The following LAMA3 variants were observed in gnomAD, a reference collection of about 807,000 sequenced individuals.
LAMA3 encodes the protein laminin subunit alpha-3.
Under a neutral mutation model 402.0 loss-of-function variants are expected in LAMA3, and 281 were observed. The observed-to-expected ratio is 0.70, with a 90% CI of 0.63 to 0.77. The LOEUF (loss-of-function observed/expected upper bound fraction) is 0.77. Among genes scored for constraint, LAMA3 ranks in the 30% least tolerant of loss-of-function variants. The probability of loss-of-function intolerance (pLI) is 0.00; values close to 1 mark genes in which losing one functional copy is unlikely to be tolerated. For synonymous variants in LAMA3, 1,431 were observed against 1,558.4 expected (o/e 0.92, Z 1.93); for missense variants, 3,840 against 4,215.5 (o/e 0.91, Z 2.47).
chr18:23,951,263 A>G (rs1263929175), intron 72 of LAMA3, among the ~76,000 whole-genome samples: 1 of 152,220 alleles, frequency 6.6e-6, no homozygotes, highest in African/African-American at 2.4e-5. Context: ...GAACTATTAC[A>G]GTTGGCTGGC....
At chr18:23,869,948 G>A (rs989988336) in intron 37 of LAMA3, among the ~76,000 whole-genome samples, 2 of 151,706 alleles carry the variant, frequency 1.3e-5, no homozygotes, top group Non-Finnish European at 2.9e-5. Flanking sequence ...CACACCTGCA[G>A]TCAGGAGTTT....
intron 1 of LAMA3, among the ~76,000 whole-genome samples, chr18:23,706,570 T>C (rs2060893580): frequency 6.6e-6 from 1 of 152,194 alleles, no homozygotes; most frequent in African/African-American, 2.4e-5. Flanking sequence ...GAAATGCTTA[T>C]TATGTTTATT....
chr18:23,932,410 CCA>C (rs2082189432), intron 66 of LAMA3, 119 bp downstream of exon 66: 2 of 1,096,316 alleles, frequency 1.8e-6, no homozygotes, highest in East Asian at 5.0e-5. Context: ...GACCCGCATA[CCA>C]CAGTCTTTCA....
chr18:23,826,090 G>A (rs908342897), intron 21 of LAMA3, among the ~76,000 whole-genome samples: 2 of 152,164 alleles, frequency 1.3e-5, no homozygotes, highest in Non-Finnish European at 2.9e-5. Flanking sequence ...CTGTCAGGAC[G>A]GCTAGGGGCT....
At position 23,757,039 on chromosome 18, in the gene LAMA3, G is replaced by T. The variant is rs111363549; in HGVS notation, c.948-1357G>T. Among the ~76,000 whole-genome samples, 574 of 151,590 alleles carry T rather than the reference G, an allele frequency of 3.8e-3. 2 individuals are homozygous for T. The highest frequency in any genetic ancestry group is 0.027 in the Middle Eastern group (8 of 294). ...CAGACTCTGAGGCCTGGGGACTGGA[G>T]AACAACGCCAGGCTGGGCGTCTGTG... On this transcript the variant is annotated intron_variant, in intron 6 of 74. Coordinates refer to ENST00000313654, the MANE Select transcript of LAMA3 (RefSeq NM_198129.4).
At position 23,916,704 on chromosome 18, in the gene LAMA3, T is replaced by A; in HGVS notation, c.7923+9T>A. 6.2e-7 allele frequency: 1 copy of A among 1,613,864 alleles called. No individual in the cohort carries two copies. Among genetic ancestry groups the A allele is most frequent in the African/African-American group, 1.3e-5 (1 of 75,040 alleles). ...TCTTTGCAGAAAACGGGGTAATCTATAACAAGCATCCAGATACAACCAAAT... is the reference window on the plus strand; with the variant it reads ...TCTTTGCAGAAAACGGGGTAATCTAAAACAAGCATCCAGATACAACCAAAT... On this transcript the variant is annotated intron_variant, in intron 60 of 74. Coordinates refer to ENST00000313654, the MANE Select transcript of LAMA3 (RefSeq NM_198129.4).
At chr18:23,693,456 A>C (rs563719830) in intron 1 of LAMA3, among the ~76,000 whole-genome samples, 1 of 150,754 alleles carries the variant, frequency 6.6e-6, no homozygotes, top group African/African-American at 2.4e-5. Flanking sequence ...ATCTTGAATG[A>C]CTCCTTTTAG....
chr18:23,928,649 A>C lies in LAMA3; in HGVS notation c.8320A>C (p.Arg2774=), dbSNP rs1196838670. The C allele has an allele frequency of 4.3e-6, 7 of 1,614,018 alleles. No individual in the cohort carries two copies. The highest frequency in any genetic ancestry group is 5.9e-6 in the Non-Finnish European group (7 of 1,179,854). ...WKLVRSASFS[R]GGQLSFTDLG... ...GCTTGTGCGATCTGCCTCATTCTCC[A>C]GAGGAGGACAATTGAGTTTCACTGA... Residue 2774 remains arginine (R), a synonymous_variant, in exon 64 of 75, where the codon AGA becomes CGA. Transcript: ENST00000313654.
At chr18:23,762,633 G>A (rs545595656) in intron 7 of LAMA3, among the ~76,000 whole-genome samples, 9 of 151,720 alleles carry the variant, frequency 5.9e-5, no homozygotes, top group East Asian at 3.9e-4. Flanking sequence ...TAGCTGCCCC[G>A]ACACACTTCC....
At chr18:23,817,850 G>A (rs1427488617) in intron 18 of LAMA3, among the ~76,000 whole-genome samples, 1 of 152,148 alleles carries the variant, frequency 6.6e-6, no homozygotes, top group Non-Finnish European at 1.5e-5. Flanking sequence ...ATGGGCCAGG[G>A]GAGCTTTGTA....
chr18:23,826,556 A>C (rs1487699241), intron 21 of LAMA3, 146 bp from the exon 22 acceptor site: 2 of 693,340 alleles, frequency 2.9e-6, no homozygotes, highest in Non-Finnish European at 5.2e-6. Context: ...GTGAGTCGGG[A>C]TGAAGAACAA....
Position 23,918,864 on chromosome 18 carries a change from T to C in LAMA3, c.7924-2071T>C, listed in dbSNP as rs553887073. On this transcript the variant is annotated intron_variant, in intron 60 of 74. Transcript: ENST00000313654. This position sits in a 1 kb window ranked among gnomAD's most constrained non-coding sequence, Gnocchi z 4.1. ...TGACACTGACCCGGTCCAACTCTCC[T>C]CTCTGGGGTTGGTCTGGACCCTTCA... Among the ~76,000 whole-genome samples the C allele has an allele frequency of 6.6e-6, 1 of 152,260 alleles. No individual in the cohort carries two copies. Among genetic ancestry groups the C allele is most frequent in the African/African-American group, 2.4e-5 (1 of 41,566 alleles).
chr18:23,777,742 T>A, intron 11 of LAMA3, 123 bp downstream of exon 11: 1 of 788,886 alleles, frequency 1.3e-6, no homozygotes, highest in Non-Finnish European at 2.3e-6. Context: ...GGTAGGTGCC[T>A]TGCAGGTGTC....
At chr18:23,776,002 T>TG in intron 10 of LAMA3, 79 bp downstream of exon 10, 1 of 1,484,078 alleles carries the variant, frequency 6.7e-7, no homozygotes, top group Non-Finnish European at 9.4e-7. Flanking sequence ...TGAGGCATGG[T>TG]GGACAGGTAG....
Position 23,842,736 on chromosome 18 carries a change from A to G in LAMA3, c.3589A>G (p.Lys1197Glu). The change falls in exon 29 of 75, where the codon AAG (lysine) becomes GAG (glutamate). Residue 1197 changes from lysine (K) to glutamate (E), a missense_variant. This residue lies in a region of LAMA3 where 2,109 missense variants were observed against 2,376.0 expected (regional missense o/e 0.89). Transcript: ENST00000313654. ...CGCAACTGTGAAGGTTCCAGAAGGA[A>G]AGTCCTTGGTTTTGGTGCGTTCCAC... The part of the protein sequence containing the change: ...VAATVKVPEG[K>E]SLVLVRVLVV... 4.3e-6 allele frequency: 7 copies of G among 1,614,216 alleles called. No homozygotes were observed. Among genetic ancestry groups the G allele is most frequent in the Non-Finnish European group, 5.9e-6 (7 of 1,180,046 alleles).
At chr18:23,743,342 G>A (rs2061596072) in intron 2 of LAMA3, among the ~76,000 whole-genome samples, 1 of 152,126 alleles carries the variant, frequency 6.6e-6, no homozygotes, top group Non-Finnish European at 1.5e-5. Flanking sequence ...AGACACCAGG[G>A]TAGGACCACT....
intron 73 of LAMA3, among the ~76,000 whole-genome samples, chr18:23,952,359 GCTAA>G (rs1430512952): frequency 1.3e-5 from 2 of 152,116 alleles, no homozygotes; most frequent in African/African-American, 2.4e-5. Context: ...TAATATTAAT[GCTAA>G]CTATTTAGAC....
chr18:23,788,513 A>G (rs192716959), intron 12 of LAMA3, among the ~76,000 whole-genome samples: 8 of 152,124 alleles, frequency 5.3e-5, no homozygotes, highest in Admixed American at 3.3e-4. Flanking sequence ...AATACATGAG[A>G]TATACAGAAA....
At position 23,773,660 on chromosome 18, in the gene LAMA3, G is replaced by C. The variant is rs990724729; in HGVS notation, c.1273+73G>C. ...CAGCGAAGTCATCAGGCTAACTTTG[G>C]ATCAGTTAATAACTTCCTTCATGCC... is the stretch of plus-strand genomic sequence containing the variant. On this transcript the variant is annotated intron_variant, in intron 9 of 74. Transcript: ENST00000313654. The C allele has an allele frequency of 5.2e-6, 5 of 955,908 alleles. No homozygotes were observed. In the African/African-American group the frequency reaches 6.5e-5, roughly 12 times the overall value. The allele number at this position is 955,908 out of a possible 1,614,324, so 59.2% of individuals were successfully genotyped here.
Sources: allele counts gnomAD v4.1 joint callset (sites outside exome capture counted in the v4.1 genomes callset), GRCh38; gene constraint gnomAD v4.1.1; regional missense constraint gnomAD v4.1.1; non-coding constraint Gnocchi (gnomAD v3.1); transcripts MANE v1.5; gene names NCBI Gene and HGNC (gene_info 2026-07-23, HGNC 2026-07-21).